The following YBX1 variants were observed in gnomAD, a reference collection of about 807,000 sequenced individuals.
The protein encoded by YBX1 is Y-box binding protein 1.
YBX1 carries 3 observed loss-of-function variants against 41.4 expected under a neutral mutation model. That is an observed-to-expected ratio of 0.07 (90% CI 0.03 to 0.19). The LOEUF (loss-of-function observed/expected upper bound fraction) is 0.19. YBX1 is among the 10% of genes least tolerant of loss of function. The probability of loss-of-function intolerance (pLI) is 1.00; values close to 1 mark genes in which losing one functional copy is unlikely to be tolerated. For synonymous variants in YBX1, 133 were observed against 165.8 expected, an observed-to-expected ratio of 0.80 and a Z score of 1.52; for missense variants, 274 against 462.8, an observed-to-expected ratio of 0.59 and a Z score of 3.74.
intron 1 of YBX1, chr1:42,683,167 A>G (rs1461821362): frequency 3.0e-6 from 2 of 657,468 alleles, no homozygotes; most frequent in Non-Finnish European, 5.5e-6. Flanking sequence ...CGGCCTGCGC[A>G]CACACCCATC....
chr1:42,687,915 C>CT (rs1440830513), intron 2 of YBX1, among the ~76,000 whole-genome samples: 1 of 152,168 alleles, frequency 6.6e-6, no homozygotes, highest in Non-Finnish European at 1.5e-5. Flanking sequence ...GGTTTAAAGA[C>CT]TTTTCTGCAG....
In YBX1 at chr1:42,702,675, T is replaced by A. The variant is rs943521307; in HGVS notation, c.*726T>A. On this transcript the variant is annotated 3_prime_UTR_variant, in exon 8 of 8. Transcript: ENST00000321358. Reference sequence around the variant, plus strand: ...TTGCTCTAGCCTAGACCGACCAGACTCTCATCCTGCTCCACTTAGTTTTGT... The same window carrying A: ...TTGCTCTAGCCTAGACCGACCAGACACTCATCCTGCTCCACTTAGTTTTGT... 1.6e-4 allele frequency among the ~76,000 whole-genome samples: 25 copies of A among 152,314 alleles called. No individual in the cohort carries two copies. Among genetic ancestry groups the A allele is most frequent in the Non-Finnish European group, 2.9e-4 (20 of 68,022 alleles).
In YBX1 at chr1:42,703,669, CTT is replaced by C. The variant is rs536005044; in HGVS notation, c.*1721_*1722del. Among the ~76,000 whole-genome samples, 136 of 152,234 alleles carry C rather than the reference CTT, an allele frequency of 8.9e-4. No homozygotes were observed. The highest frequency in any genetic ancestry group is 1.7e-3 in the Non-Finnish European group (114 of 68,014). Reference sequence around the variant, plus strand: ...GTCCCTGACTTAAACAGTGGTTTGACTTAGGGGCTTTTAGTGGGGTTACGGTT... The same window carrying C: ...GTCCCTGACTTAAACAGTGGTTTGACAGGGGCTTTTAGTGGGGTTACGGTT... On this transcript the variant is annotated 3_prime_UTR_variant, in exon 8 of 8. Transcript: ENST00000321358.
chr1:42,699,042 G>T (rs996949713), intron 6 of YBX1, among the ~76,000 whole-genome samples: 3 of 152,102 alleles, frequency 2.0e-5, no homozygotes, highest in Non-Finnish European at 4.4e-5. Flanking sequence ...GGGAAAATGG[G>T]GGGTCAAAAA....
intron 6 of YBX1, 110 bp from the exon 7 acceptor site, chr1:42,700,671 A>G: frequency 1.2e-6 from 1 of 865,114 alleles, no homozygotes; most frequent in South Asian, 1.7e-5. Flanking sequence ...ACCACTTGAT[A>G]CAGAATGGGC....
chr1:42,688,711 A>G (rs932149650), intron 2 of YBX1, among the ~76,000 whole-genome samples: 16 of 152,222 alleles, frequency 1.1e-4, no homozygotes, highest in Non-Finnish European at 2.1e-4. Context: ...AAGTGGCGCT[A>G]GTGATGCTGA....
intron 6 of YBX1, among the ~76,000 whole-genome samples, chr1:42,698,595 G>A (rs1261097370): frequency 6.6e-6 from 1 of 152,160 alleles, no homozygotes; most frequent in African/African-American, 2.4e-5. Context: ...CTTAAAAATA[G>A]CATAATTTTG....
chr1:42,700,715 T>C, intron 6 of YBX1, 66 bp from the exon 7 acceptor site: 1 of 1,438,642 alleles, frequency 7.0e-7, no homozygotes, highest in Non-Finnish European at 9.4e-7. Context: ...ACCAACTGGT[T>C]ACACTGGTGG....
chr1:42,694,875 G>A (rs1031072520), intron 3 of YBX1, among the ~76,000 whole-genome samples: 4 of 152,172 alleles, frequency 2.6e-5, no homozygotes, highest in African/African-American at 9.7e-5. Flanking sequence ...ACAAGAGACA[G>A]CAAAGTTTCT....
intron 1 of YBX1, chr1:42,683,068 C>G (rs754468357): frequency 1.9e-5 from 9 of 484,020 alleles, no homozygotes; most frequent in South Asian, 1.5e-4. Context: ...CACCCCCACC[C>G]AGCTCCCTTC....
At chr1:42,689,724 C>G (rs535225227) in intron 2 of YBX1, among the ~76,000 whole-genome samples, 3 of 152,234 alleles carry the variant, frequency 2.0e-5, no homozygotes, top group African/African-American at 7.2e-5. Flanking sequence ...AATTATCTGG[C>G]AAGCTGTAAT....
At chr1:42,700,658 C>G (rs1650574780) in intron 6 of YBX1, 123 bp from the exon 7 acceptor site, 1 of 529,524 alleles carries the variant, frequency 1.9e-6, no homozygotes, top group Non-Finnish European at 3.0e-6. Flanking sequence ...AAATTGCCTA[C>G]AGACCACTTG....
chr1:42,683,297 G>C (rs1484363155), intron 1 of YBX1, 106 bp from the exon 2 acceptor site: 1 of 1,356,860 alleles, frequency 7.4e-7, no homozygotes, highest in East Asian at 2.3e-5. Flanking sequence ...AGGGCTGTCA[G>C]GTGGCCGCGG....
chr1:42,683,242 C>T (rs1650100794), intron 1 of YBX1, 161 bp from the exon 2 acceptor site: 2 of 807,580 alleles, frequency 2.5e-6, no homozygotes, highest in East Asian at 5.3e-5. Context: ...ACGTGTGCGG[C>T]GGCGGCGGCG....
Position 42,682,610 on chromosome 1 carries a change from C to T in YBX1, c.45C>T (p.Pro15=). The change falls in exon 1 of 8, where the codon CCC becomes CCT. Residue 15 remains proline, a synonymous_variant. Transcript: ENST00000321358. The part of the protein sequence containing the change: ...AETQQPPAAP[P]AAPALSAADT... ...CCCAGCAGCCGCCCGCCGCCCCCCC[C>T]GCCGCCCCCGCCCTCAGCGCCGCCG... The T allele has an allele frequency of 1.4e-6, 2 of 1,444,862 alleles. No individual in the cohort carries two copies. The highest frequency in any genetic ancestry group is 1.8e-6 in the Non-Finnish European group (2 of 1,103,572). 89.5% of individuals were successfully genotyped at this position (1,444,862 alleles called of 1,614,324 possible).
At position 42,702,532 on chromosome 1, in the gene YBX1, A is replaced by G. The variant is rs1650630225; in HGVS notation, c.*583A>G. Among the ~76,000 whole-genome samples the G allele has an allele frequency of 6.6e-6, 1 of 152,224 alleles. No individual in the cohort carries two copies. Among genetic ancestry groups the G allele is most frequent in the African/African-American group, 2.4e-5 (1 of 41,456 alleles). Reference sequence around the variant, plus strand: ...GTGGGCCCATACTAAAAATTAGAAAATACATACTCTGATAACCTGGCCATT... The same window carrying G: ...GTGGGCCCATACTAAAAATTAGAAAGTACATACTCTGATAACCTGGCCATT... On this transcript the variant is annotated 3_prime_UTR_variant, in exon 8 of 8. Coordinates refer to ENST00000321358, the MANE Select transcript of YBX1 (RefSeq NM_004559.5).
In YBX1 at chr1:42,696,286, A is replaced by C; in HGVS notation, c.352A>C (p.Lys118Gln). 1 of 1,612,796 alleles carries C rather than the reference A, an allele frequency of 6.2e-7. No homozygotes were observed. The highest frequency in any genetic ancestry group is 2.2e-5 in the East Asian group (1 of 44,864). ...TVEFDVVEGE[K>Q]GAEAANVTGP... ...GGAGTTTGATGTTGTTGAAGGAGAA[A>C]AGGTGAGGATGCTTTTTGTGTAAAG... Residue 118 changes from lysine (K) to glutamine (Q), a missense_variant and splice_region_variant, in exon 4 of 8, where the codon AAG (lysine) becomes CAG (glutamine). Physicochemically the swap from Lys to Gln is moderately conservative, Grantham distance 53. Transcript: ENST00000321358. This position sits in a 1 kb window ranked among gnomAD's most constrained non-coding sequence, Gnocchi z 5.7.
In YBX1 at chr1:42,688,586, A is replaced by G. The variant is rs565804741; in HGVS notation, c.231-4904A>G. ...GCCATGTGACGCTAATCATCTTCACATGAACAGTTTATCTCTCCAGTAAAT... is the reference window on the plus strand; with the variant it reads ...GCCATGTGACGCTAATCATCTTCACGTGAACAGTTTATCTCTCCAGTAAAT... On this transcript the variant is annotated intron_variant, in intron 2 of 7. Transcript: ENST00000321358. Among the ~76,000 whole-genome samples the G allele has an allele frequency of 3.3e-5, 5 of 152,336 alleles. No homozygotes were observed. In the South Asian group the frequency reaches 8.3e-4, roughly 25 times the overall value.
intron 3 of YBX1, among the ~76,000 whole-genome samples, chr1:42,694,030 G>T (rs192181669): frequency 6.6e-6 from 1 of 151,862 alleles, no homozygotes; most frequent in African/African-American, 2.4e-5. Flanking sequence ...ATGGGTATTG[G>T]GTTTTTTTTT....
Sources: gnomAD v4.1 joint callset for allele counts (sites outside exome capture counted in the v4.1 genomes callset) on GRCh38, gnomAD v4.1.1 for gene constraint, Gnocchi (gnomAD v3.1) non-coding constraint, MANE v1.5 for transcripts, NCBI Gene and HGNC (gene_info 2026-07-23, HGNC 2026-07-21) for gene names.